The following PTPRD variants were observed in gnomAD, a reference collection of about 807,000 sequenced individuals.
The protein encoded by PTPRD is protein tyrosine phosphatase receptor type D, also known as receptor-type tyrosine-protein phosphatase delta.
In PTPRD, 34 loss-of-function variants were observed where a neutral mutation model predicts 214.5. The ratio of observed to expected loss-of-function variants is 0.16; its 90% CI spans 0.12 to 0.21. The LOEUF (loss-of-function observed/expected upper bound fraction) is 0.21, where lower values mean the gene tolerates loss of function less well. Ranked by LOEUF, PTPRD falls within the 10% of genes least tolerant of loss-of-function variation. The pLI, the probability that PTPRD is intolerant of heterozygous loss-of-function variation, is 1.00. For missense variants in PTPRD, 2,545 were observed against 2,398.7 expected, an observed-to-expected ratio of 1.06 and a Z score of -1.27; for synonymous variants, 1,128 against 845.7, an observed-to-expected ratio of 1.33 and a Z score of -5.79.
intron 3 of PTPRD, among the ~76,000 whole-genome samples, chr9:10,173,300 A>G (rs912909229): frequency 1.3e-5 from 2 of 152,196 alleles, no homozygotes; most frequent in African/African-American, 4.8e-5. Context: ...AAATATTATA[A>G]ATAATGGAGT....
At chr9:9,758,399 G>A (rs1323520990) in intron 6 of PTPRD, among the ~76,000 whole-genome samples, 4 of 152,098 alleles carry the variant, frequency 2.6e-5, no homozygotes, top group Admixed American at 6.6e-5. Context: ...GGTGGCTGAT[G>A]AGGGGTAGGG....
chr9:9,345,208 A>T (rs1197339232), intron 9 of PTPRD, among the ~76,000 whole-genome samples: 1 of 152,192 alleles, frequency 6.6e-6, no homozygotes, highest in Non-Finnish European at 1.5e-5. Flanking sequence ...TTCCTTACTG[A>T]TAATTACTTG....
chr9:9,829,225 A>G (rs962946553), intron 5 of PTPRD, among the ~76,000 whole-genome samples: 1 of 151,914 alleles, frequency 6.6e-6, no homozygotes, highest in African/African-American at 2.4e-5. Context: ...GGTAGCATGT[A>G]TAACATAAGA....
intron 8 of PTPRD, among the ~76,000 whole-genome samples, chr9:9,437,593 A>T (rs931939473): frequency 6.6e-6 from 1 of 152,138 alleles, no homozygotes; most frequent in Non-Finnish European, 1.5e-5. Flanking sequence ...TGGGAATTAG[A>T]CTATCACACT....
At chr9:8,889,832 T>C (rs946364482) in intron 11 of PTPRD, among the ~76,000 whole-genome samples, 1 of 152,242 alleles carries the variant, frequency 6.6e-6, no homozygotes, top group Non-Finnish European at 1.5e-5. Context: ...GGTGTATATA[T>C]ACCACATTTT....
intron 11 of PTPRD, among the ~76,000 whole-genome samples, chr9:8,842,172 C>T (rs767102432): frequency 6.6e-6 from 1 of 151,924 alleles, no homozygotes; most frequent in Non-Finnish European, 1.5e-5. Flanking sequence ...GAACCTGTGA[C>T]GCTCCCTGTA....
At chr9:8,835,414 G>A (rs895681670) in intron 11 of PTPRD, among the ~76,000 whole-genome samples, 6 of 152,172 alleles carry the variant, frequency 3.9e-5, no homozygotes, top group Non-Finnish European at 8.8e-5. Flanking sequence ...CCAGAGAGTC[G>A]GCTTCTTAGA....
chr9:8,351,406 C>CTT (rs35280197), intron 39 of PTPRD, among the ~76,000 whole-genome samples: 1,928 of 147,348 alleles, frequency 0.013, 34 homozygotes, highest in African/African-American at 0.046. Flanking sequence ...TTTTTTGTAG[C>CTT]TTTTTTTTTT....
chr9:10,261,407 C>A lies in PTPRD; in HGVS notation c.-545+79556G>T, dbSNP rs546497744. ...GAAATTGAGCTACCCTGGTGGAGTT[C>A]AATTGAAATTAGGACATTAAAATCA... On this transcript the variant is annotated intron_variant, in intron 3 of 45. Coordinates refer to ENST00000381196, the MANE Select transcript of PTPRD (RefSeq NM_002839.4). Among the ~76,000 whole-genome samples, 30 of 151,978 alleles carry A rather than the reference C, an allele frequency of 2.0e-4. No homozygotes were observed. The East Asian group carries it at 4.8e-3, about 24-fold the overall frequency.
chr9:8,412,395 A>T (rs1026341519), intron 35 of PTPRD, among the ~76,000 whole-genome samples: 1 of 152,206 alleles, frequency 6.6e-6, no homozygotes, highest in Non-Finnish European at 1.5e-5. Context: ...GGTGTTAGTA[A>T]ATTAGTGTTT....
At position 8,509,478 on chromosome 9, in the gene PTPRD, G is replaced by C. The variant is rs950145435; in HGVS notation, c.1544-2044C>G. ...TTTCCTGGGAAACAAGAAAGTTTGTGTTAACTCCTGACTCAAACCAAACCG... is the reference window on the plus strand; with the variant it reads ...TTTCCTGGGAAACAAGAAAGTTTGTCTTAACTCCTGACTCAAACCAAACCG... On this transcript the variant is annotated intron_variant, in intron 21 of 45. Coordinates refer to ENST00000381196, the MANE Select transcript of PTPRD (RefSeq NM_002839.4). Among the ~76,000 whole-genome samples the C allele has an allele frequency of 3.3e-5, 5 of 152,050 alleles. No homozygotes were observed. The East Asian group carries it at 9.6e-4, about 29-fold the overall frequency.
chr9:10,136,271 T>C (rs1485534699), intron 3 of PTPRD, among the ~76,000 whole-genome samples: 1 of 152,100 alleles, frequency 6.6e-6, no homozygotes, highest in Non-Finnish European at 1.5e-5. Context: ...TTTAGACAGC[T>C]GCACAAGAAT....
intron 3 of PTPRD, among the ~76,000 whole-genome samples, chr9:10,073,299 A>G (rs1443765697): frequency 6.6e-6 from 1 of 152,096 alleles, no homozygotes; most frequent in Admixed American, 6.6e-5. Context: ...TAAAGGGAGT[A>G]GGGTGAGCAG....
At chr9:8,657,432 G>A (rs1174584269) in intron 12 of PTPRD, among the ~76,000 whole-genome samples, 2 of 152,122 alleles carry the variant, frequency 1.3e-5, no homozygotes, top group East Asian at 1.9e-4. Flanking sequence ...GCCCCCCAAA[G>A]TGCTGGGATT....
chr9:8,614,632 C>T (rs186755495), intron 14 of PTPRD, among the ~76,000 whole-genome samples: 1 of 152,150 alleles, frequency 6.6e-6, no homozygotes, highest in Admixed American at 6.5e-5. Flanking sequence ...ATAACTACTA[C>T]AAAGGAGTTT....
intron 9 of PTPRD, among the ~76,000 whole-genome samples, chr9:9,332,805 G>A (rs2042844540): frequency 6.6e-6 from 1 of 151,768 alleles, no homozygotes; most frequent in African/African-American, 2.4e-5. Context: ...AACGCAAACT[G>A]CTGTAAGTAA....
chr9:8,811,832 T>C (rs974544433), intron 11 of PTPRD, among the ~76,000 whole-genome samples: 2 of 152,206 alleles, frequency 1.3e-5, no homozygotes, highest in Non-Finnish European at 2.9e-5. Context: ...CCTTGTTTCC[T>C]ATGCACACTC....
At chr9:10,446,760 C>T (rs1322576961) in intron 2 of PTPRD, among the ~76,000 whole-genome samples, 3 of 151,982 alleles carry the variant, frequency 2.0e-5, no homozygotes, top group Non-Finnish European at 4.4e-5. Context: ...ATCAAAGGGA[C>T]AAATTGTTTC....
chr9:9,797,393 A>G lies in PTPRD; in HGVS notation c.-367-30542T>C, dbSNP rs112294699. ...GTGCAAAGCAAATTTATAAAATTTAAGAAGGTAATTATTGTTTAAGAAAGT... is the reference window on the plus strand; with the variant it reads ...GTGCAAAGCAAATTTATAAAATTTAGGAAGGTAATTATTGTTTAAGAAAGT... On this transcript the variant is annotated intron_variant, in intron 5 of 45. Transcript: ENST00000381196. Among the ~76,000 whole-genome samples the G allele has an allele frequency of 1.4e-3, 219 of 151,912 alleles. 1 individual carries two copies. The highest frequency in any genetic ancestry group is 5.1e-3 in the African/African-American group (212 of 41,550).
Sources: gnomAD v4.1 joint callset for allele counts (sites outside exome capture counted in the v4.1 genomes callset) on GRCh38, gnomAD v4.1.1 for gene constraint, MANE v1.5 for transcripts, NCBI Gene and HGNC (gene_info 2026-07-23, HGNC 2026-07-21) for gene names.